The following CA10 variants were observed in gnomAD, a reference collection of about 807,000 sequenced individuals.
CA10 encodes the protein carbonic anhydrase-related protein 10.
Under a neutral mutation model 44.2 loss-of-function variants are expected in CA10, and 14 were observed. The ratio of observed to expected loss-of-function variants is 0.32; its 90% confidence interval spans 0.21 to 0.50. The LOEUF is 0.50. Ranked by LOEUF, CA10 falls within the 20% of genes least tolerant of loss-of-function variation. CA10 has a pLI of 0.99. For missense variants in CA10, 350 were observed against 409.7 expected, an observed-to-expected ratio of 0.85 and a Z score of 1.26; for synonymous variants, 159 against 141.6, an observed-to-expected ratio of 1.12 and a Z score of -0.87.
intron 4 of CA10, among the ~76,000 whole-genome samples, chr17:51,659,080 G>C (rs2143303957): frequency 6.6e-6 from 1 of 152,294 alleles, no homozygotes; most frequent in Non-Finnish European, 1.5e-5. Context: ...CATTATTTCT[G>C]GGTGTGCCTG....
chr17:51,831,233 G>A (rs1010646647), intron 3 of CA10, among the ~76,000 whole-genome samples: 4 of 152,224 alleles, frequency 2.6e-5, no homozygotes, highest in African/African-American at 9.6e-5. Context: ...TGTCTCTGTA[G>A]TTTTAAAGCT....
At chr17:52,029,513 C>T (rs1403903996) in intron 2 of CA10, among the ~76,000 whole-genome samples, 1 of 152,034 alleles carries the variant, frequency 6.6e-6, no homozygotes, top group African/African-American at 2.4e-5. Flanking sequence ...CGCCCTCACC[C>T]CCAACCCCAC....
chr17:52,002,731 G>T lies in CA10; in HGVS notation c.136+69588C>A, dbSNP rs536332192. Among the ~76,000 whole-genome samples the T allele has an allele frequency of 3.3e-5, 5 of 152,020 alleles. No individual in the cohort carries two copies. In the East Asian group the frequency reaches 9.8e-4, roughly 30 times the overall value. On this transcript the variant is annotated intron_variant, in intron 2 of 8. Transcript: ENST00000451037. The stretch of plus-strand genomic sequence containing the variant: ...AAGGGAAAGGAAGTATATCCATTAA[G>T]CTCCTCTGATGGACATTCAGGGACT...
chr17:52,071,222 AT>A (rs1987671601), intron 2 of CA10, among the ~76,000 whole-genome samples: 1 of 152,212 alleles, frequency 6.6e-6, no homozygotes, highest in Non-Finnish European at 1.5e-5. Flanking sequence ...TAGATGTGCC[AT>A]AGTAAATTTA....
chr17:51,940,530 A>G lies in CA10; in HGVS notation c.137-9398T>C, dbSNP rs1042401216. ...GTACTTCAGTCATACTTGATAGAGG[A>G]CAGTGTCTGCCCCTTTCCTCAAAAA... On this transcript the variant is annotated intron_variant, in intron 2 of 8. Coordinates refer to ENST00000451037, the MANE Select transcript of CA10 (RefSeq NM_020178.5). 3.3e-5 allele frequency among the ~76,000 whole-genome samples: 5 copies of G among 152,166 alleles called. No homozygotes were observed. In the East Asian group the frequency reaches 9.7e-4, roughly 29 times the overall value.
intron 1 of CA10, among the ~76,000 whole-genome samples, chr17:52,103,123 G>A (rs953974309): frequency 2.6e-5 from 4 of 152,120 alleles, no homozygotes; most frequent in Admixed American, 6.5e-5. Context: ...TAGATCTTTT[G>A]AATCAGAGTC....
At chr17:52,022,046 C>T (rs1986158139) in intron 2 of CA10, among the ~76,000 whole-genome samples, 1 of 151,990 alleles carries the variant, frequency 6.6e-6, no homozygotes, top group Non-Finnish European at 1.5e-5. Flanking sequence ...TGCTTCTCAG[C>T]CCTTTGGCTA....
At chr17:51,780,758 G>T (rs879792589) in intron 3 of CA10, among the ~76,000 whole-genome samples, 4 of 152,166 alleles carry the variant, frequency 2.6e-5, no homozygotes, top group African/African-American at 7.2e-5. Flanking sequence ...ATTATGTCCT[G>T]GTGAAAGAAA....
At chr17:52,021,619 A>AT (rs980459535) in intron 2 of CA10, among the ~76,000 whole-genome samples, 1 of 152,016 alleles carries the variant, frequency 6.6e-6, no homozygotes, top group Admixed American at 6.6e-5. Flanking sequence ...ACCAAAGTTT[A>AT]TTTTTTGTAA....
At chr17:52,045,495 A>C (rs187619635) in intron 2 of CA10, among the ~76,000 whole-genome samples, 3 of 152,200 alleles carry the variant, frequency 2.0e-5, no homozygotes, top group Non-Finnish European at 4.4e-5. Flanking sequence ...ACAGTATATA[A>C]CATGAGTAGG....
intron 1 of CA10, among the ~76,000 whole-genome samples, chr17:52,094,992 C>T (rs577642300): frequency 1.1e-4 from 16 of 152,202 alleles, no homozygotes; most frequent in South Asian, 6.2e-4. Context: ...AATATTAGTG[C>T]GCATGTCTAC....
intron 3 of CA10, among the ~76,000 whole-genome samples, chr17:51,797,727 G>A (rs919170101): frequency 1.3e-5 from 2 of 151,650 alleles, no homozygotes; most frequent in Non-Finnish European, 1.5e-5. Context: ...GGTGGCATGC[G>A]CCTGTAATCC....
intron 4 of CA10, among the ~76,000 whole-genome samples, chr17:51,664,557 C>A (rs78744855): frequency 2.7e-4 from 37 of 137,116 alleles, no homozygotes; most frequent in African/African-American, 5.5e-4. Flanking sequence ...ATGAAGTATA[C>A]AAAAAAAAAA....
chr17:51,922,531 G>C (rs1443548774), intron 3 of CA10, among the ~76,000 whole-genome samples: 2 of 152,060 alleles, frequency 1.3e-5, no homozygotes, highest in African/African-American at 4.8e-5. Context: ...TTCTCCTCTG[G>C]TCCTCCTTGG....
intron 1 of CA10, among the ~76,000 whole-genome samples, chr17:52,143,903 C>T (rs1488002286): frequency 6.6e-6 from 1 of 152,176 alleles, no homozygotes; most frequent in Non-Finnish European, 1.5e-5. Flanking sequence ...CTTGTCTTTA[C>T]TTAACATCAA....
chr17:51,908,809 T>C (rs894260555), intron 3 of CA10, among the ~76,000 whole-genome samples: 5 of 152,164 alleles, frequency 3.3e-5, no homozygotes, highest in Non-Finnish European at 5.9e-5. Flanking sequence ...ACCACTTATA[T>C]TCCAGTGATG....
chr17:51,658,235 G>A (rs1446401235), intron 4 of CA10, among the ~76,000 whole-genome samples: 1 of 152,144 alleles, frequency 6.6e-6, no homozygotes, highest in Non-Finnish European at 1.5e-5. Context: ...CTTTACATGG[G>A]CCTGGAATTC....
chr17:51,723,449 G>A (rs768458373), intron 4 of CA10, among the ~76,000 whole-genome samples: 8 of 152,164 alleles, frequency 5.3e-5, no homozygotes, highest in South Asian at 2.1e-4. Flanking sequence ...AAGTGCTACT[G>A]GTGCCTGGGA....
intron 3 of CA10, among the ~76,000 whole-genome samples, chr17:51,924,123 C>T (rs1169061517): frequency 6.6e-6 from 1 of 152,016 alleles, no homozygotes; most frequent in Non-Finnish European, 1.5e-5. Flanking sequence ...AGAGATTTCA[C>T]AGTTAGCTAA....
Sources: gnomAD v4.1 joint callset for allele counts (sites outside exome capture counted in the v4.1 genomes callset) on GRCh38, gnomAD v4.1.1 for gene constraint, MANE v1.5 for transcripts, NCBI Gene and HGNC (gene_info 2026-07-23, HGNC 2026-07-21) for gene names.